The following SCAI variants were observed in gnomAD, a reference collection of about 807,000 sequenced individuals.
SCAI encodes the protein suppressor of cancer cell invasion.
In SCAI, 24 loss-of-function variants were observed where a neutral mutation model predicts 92.2. That is an observed-to-expected ratio of 0.26 (90% CI 0.19 to 0.37). The LOEUF is 0.37. Ranked by LOEUF, SCAI falls within the 10% of genes least tolerant of loss-of-function variation. The pLI is 1.00. For missense variants in SCAI, 450 were observed against 736.2 expected (o/e 0.61, Z 4.50); for synonymous variants, 261 against 258.6 (o/e 1.01, Z -0.09).
intron 2 of SCAI, among the ~76,000 whole-genome samples, chr9:125,107,397 G>A (rs1254338719): frequency 1.4e-5 from 2 of 141,814 alleles, no homozygotes; most frequent in East Asian, 2.1e-4. Context: ...GACAGAGGGA[G>A]ACACTGTCTC....
chr9:125,137,167 C>T (rs968781754), intron 2 of SCAI, among the ~76,000 whole-genome samples: 1 of 152,202 alleles, frequency 6.6e-6, no homozygotes, highest in African/African-American at 2.4e-5. Context: ...GCAACCCCTG[C>T]ACTGTTTTCT....
At chr9:125,062,246 C>G (rs542183296) in intron 2 of SCAI, among the ~76,000 whole-genome samples, 1 of 151,606 alleles carries the variant, frequency 6.6e-6, no homozygotes, top group Non-Finnish European at 1.5e-5. Flanking sequence ...CTATCTCAAC[C>G]TCTTGAGTAG....
At chr9:125,115,233 G>A (rs1303325464) in intron 2 of SCAI, among the ~76,000 whole-genome samples, 3 of 152,006 alleles carry the variant, frequency 2.0e-5, no homozygotes, top group South Asian at 2.1e-4. Context: ...TTAGCCGGGC[G>A]TGGTGGTGGG....
chr9:125,089,667 T>G (rs1043015479), intron 2 of SCAI, among the ~76,000 whole-genome samples: 13 of 150,286 alleles, frequency 8.7e-5, no homozygotes, highest in Non-Finnish European at 1.8e-4. Context: ...TCTAGCTGGG[T>G]TTTTTTTTGG....
rs571896220 is a variant in SCAI at position 125,072,920 on chromosome 9, C to T, written c.99-16913G>A. ...CCTTGTTTTTATATACCATATTTTG[C>T]TTCTCCATTCATCCACTGATGGACA... On this transcript the variant is annotated intron_variant, in intron 2 of 17. Coordinates refer to ENST00000336505, the MANE Select transcript of SCAI (RefSeq NM_001144877.3). 2.6e-5 allele frequency among the ~76,000 whole-genome samples: 4 copies of T among 151,988 alleles called. No homozygotes were observed. The East Asian group carries it at 7.7e-4, about 29-fold the overall frequency.
chr9:124,992,286 T>C (rs1225528370), intron 14 of SCAI, among the ~76,000 whole-genome samples: 1 of 152,152 alleles, frequency 6.6e-6, no homozygotes, highest in Non-Finnish European at 1.5e-5. Flanking sequence ...ACTACATGCT[T>C]AAATTAAATG....
At chr9:124,971,639 C>T in intron 16 of SCAI, 32 bp downstream of exon 16, 2 of 1,531,880 alleles carry the variant, frequency 1.3e-6, no homozygotes, top group Non-Finnish European at 1.8e-6. Context: ...ATAGTACATT[C>T]TGTTAAACGT....
chr9:125,060,563 T>C (rs1437411630), intron 2 of SCAI, among the ~76,000 whole-genome samples: 1 of 152,208 alleles, frequency 6.6e-6, no homozygotes, highest in Non-Finnish European at 1.5e-5. Flanking sequence ...AGAATTCCCA[T>C]GTGTTGTGGG....
chr9:125,044,416 G>A (rs1323777839), intron 3 of SCAI, among the ~76,000 whole-genome samples: 1 of 151,962 alleles, frequency 6.6e-6, no homozygotes, highest in Non-Finnish European at 1.5e-5. Flanking sequence ...GCTGAGAGCT[G>A]GACACTTGCT....
rs1831665622 is a variant in SCAI at position 124,971,850 on chromosome 9, A to G, written c.1400-6T>C. The G allele has an allele frequency of 1.9e-6, 3 of 1,569,212 alleles. No homozygotes were observed. On this transcript the variant is annotated splice_polypyrimidine_tract_variant and splice_region_variant and intron_variant, in intron 15 of 17. Coordinates refer to ENST00000336505, the MANE Select transcript of SCAI (RefSeq NM_001144877.3). The stretch of plus-strand genomic sequence containing the variant: ...GCTACCTCGCTGAGATTGATCTGTA[A>G]TAACAAACATGTTATATATATAGAC...
chr9:124,972,966 G>A (rs564578669), intron 15 of SCAI, among the ~76,000 whole-genome samples: 1 of 152,294 alleles, frequency 6.6e-6, no homozygotes, highest in African/African-American at 2.4e-5. Context: ...TCTTTTGATG[G>A]TACAAGTTGA....
intron 2 of SCAI, chr9:125,065,902 G>C (rs1833860045): frequency 3.0e-6 from 2 of 664,612 alleles, no homozygotes; most frequent in Non-Finnish European, 5.4e-6. Context: ...TTAAGAAAAA[G>C]AAACCAACTC....
chr9:124,975,367 T>C, intron 15 of SCAI: 1 of 456,592 alleles, frequency 2.2e-6, no homozygotes, highest in Admixed American at 2.3e-5. Context: ...TAAAATGCCA[T>C]CTCCCACAGA....
chr9:125,042,633 G>GTGTGTGTGT (rs1833341757), intron 3 of SCAI, among the ~76,000 whole-genome samples: 1 of 80,900 alleles, frequency 1.2e-5, no homozygotes, highest in South Asian at 4.4e-4. Flanking sequence ...GTGTGTGTGT[G>GTGTGTGTGT]TACACACACA....
intron 14 of SCAI, among the ~76,000 whole-genome samples, chr9:124,982,322 G>A (rs984128644): frequency 1.8e-4 from 28 of 152,066 alleles, no homozygotes; most frequent in Non-Finnish European, 3.5e-4. Flanking sequence ...AGAATGAATT[G>A]GATAGTTCTG....
chr9:125,084,163 T>A (rs572310988), intron 2 of SCAI, among the ~76,000 whole-genome samples: 1 of 78,604 alleles, frequency 1.3e-5, no homozygotes, highest in African/African-American at 5.0e-5. Context: ...TGCTGCTTTT[T>A]TTTTTTTTTT....
At chr9:125,120,603 G>T (rs1180741530) in intron 2 of SCAI, among the ~76,000 whole-genome samples, 1 of 152,212 alleles carries the variant, frequency 6.6e-6, no homozygotes, top group East Asian at 1.9e-4. Flanking sequence ...TGAGGCAGGA[G>T]AATCACTTGA....
rs142501929 is a variant in SCAI at position 125,082,593 on chromosome 9, C to T, written c.99-26586G>A. Among the ~76,000 whole-genome samples the T allele has an allele frequency of 2.1e-3, 319 of 152,298 alleles. 3 individuals are homozygous for T. The highest frequency in any genetic ancestry group is 0.017 in the Middle Eastern group (5 of 294). On this transcript the variant is annotated intron_variant, in intron 2 of 17. Coordinates refer to ENST00000336505, the MANE Select transcript of SCAI (RefSeq NM_001144877.3). ...CTCAATGCCAGCCCATGAAAGCAGC[C>T]GGGAGGGACACTATACCCTGCAAAG...
At position 125,003,491 on chromosome 9, in the gene SCAI, T is replaced by G; in HGVS notation, c.941A>C (p.Gln314Pro). The G allele has an allele frequency of 6.2e-7, 1 of 1,612,218 alleles. No individual in the cohort carries two copies. The highest frequency in any genetic ancestry group is 8.5e-7 in the Non-Finnish European group (1 of 1,178,252). ...LEREPMNLAS[Q>P]MNKPGMQESA... is the part of the protein sequence containing the mutation. ...TACCTGCATTCCTGGTTTATTCATC[T>G]GGGAAGCTAAATTCATTGGCTCCCT... The change falls in exon 10 of 18, where the codon CAG becomes CCG. Residue 314 changes from glutamine (Q) to proline (P), a missense_variant. Coordinates refer to ENST00000336505, the MANE Select transcript of SCAI (RefSeq NM_001144877.3).
Sources: gnomAD v4.1 joint callset for allele counts (sites outside exome capture counted in the v4.1 genomes callset) on GRCh38, gnomAD v4.1.1 for gene constraint, MANE v1.5 for transcripts, NCBI Gene and HGNC (gene_info 2026-07-23, HGNC 2026-07-21) for gene names.